The following GAS2 variants were observed in gnomAD, a reference collection of about 807,000 sequenced individuals.
The protein encoded by GAS2 is growth arrest specific 2, also known as growth arrest-specific protein 2.
In GAS2, 20 loss-of-function variants were observed where a neutral mutation model predicts 37.5. The observed-to-expected ratio is 0.53, with a 90% CI of 0.37 to 0.77. The LOEUF is 0.77. Ranked by LOEUF, GAS2 falls within the 30% of genes least tolerant of loss-of-function variation. GAS2 has a pLI of 0.00. For synonymous variants in GAS2, 144 were observed against 132.2 expected (o/e 1.09, Z -0.61); for missense variants, 336 against 373.4 (o/e 0.90, Z 0.82).
intron 4 of GAS2, among the ~76,000 whole-genome samples, chr11:22,732,564 A>C (rs902397953): frequency 6.6e-6 from 1 of 151,622 alleles, no homozygotes; most frequent in Non-Finnish European, 1.5e-5. Flanking sequence ...CTAAATTGCT[A>C]TCCCTATTTA....
chr11:22,790,071 C>T (rs1856067536), intron 7 of GAS2, among the ~76,000 whole-genome samples: 1 of 152,166 alleles, frequency 6.6e-6, no homozygotes, highest in East Asian at 1.9e-4. Context: ...GTACCCCTAC[C>T]TACTCTACCT....
chr11:22,651,118 T>C (rs190046719), intron 1 of GAS2, among the ~76,000 whole-genome samples: 1 of 151,944 alleles, frequency 6.6e-6, no homozygotes, highest in East Asian at 1.9e-4. Context: ...GGCCTGCTGG[T>C]GACAAAATCT....
chr11:22,744,278 C>T (rs781602236), intron 5 of GAS2, among the ~76,000 whole-genome samples: 7 of 152,018 alleles, frequency 4.6e-5, no homozygotes, highest in Non-Finnish European at 1.0e-4. Flanking sequence ...GGAATAGGGA[C>T]ACCTCCCAAG....
intron 7 of GAS2, among the ~76,000 whole-genome samples, chr11:22,786,416 A>G (rs1419292605): frequency 6.6e-6 from 1 of 152,168 alleles, no homozygotes; most frequent in Admixed American, 6.5e-5. Context: ...TCCTATGTCC[A>G]TTAATCTACT....
chr11:22,720,097 A>G (rs1176018694), intron 3 of GAS2, among the ~76,000 whole-genome samples: 2 of 152,082 alleles, frequency 1.3e-5, no homozygotes, highest in Non-Finnish European at 1.5e-5. Context: ...TAGTTAAGTG[A>G]TTAATTTCAT....
At chr11:22,690,643 G>A (rs1161934700) in intron 3 of GAS2, among the ~76,000 whole-genome samples, 1 of 152,010 alleles carries the variant, frequency 6.6e-6, no homozygotes, top group Non-Finnish European at 1.5e-5. Flanking sequence ...ATGTTTAAAG[G>A]CAAAAATATA....
chr11:22,793,313 AAAG>A (rs1856264975), intron 7 of GAS2, among the ~76,000 whole-genome samples: 1 of 152,252 alleles, frequency 6.6e-6, no homozygotes, highest in East Asian at 1.9e-4. Flanking sequence ...AAAATTTTAA[AAAG>A]AACATAATTA....
intron 7 of GAS2, among the ~76,000 whole-genome samples, chr11:22,807,277 A>G (rs1043274291): frequency 6.6e-6 from 1 of 152,172 alleles, no homozygotes; most frequent in African/African-American, 2.4e-5. Context: ...ACAAACTACT[A>G]AGGCTGATAC....
intron 7 of GAS2, among the ~76,000 whole-genome samples, chr11:22,792,314 A>T (rs567684704): frequency 6.6e-6 from 1 of 152,356 alleles, no homozygotes; most frequent in South Asian, 2.1e-4. Flanking sequence ...TTTTTATATC[A>T]GATGGGAATA....
At position 22,701,077 on chromosome 11, in the gene GAS2, G is replaced by T. The variant is rs151140493; in HGVS notation, c.267+15288G>T. Among the ~76,000 whole-genome samples the T allele has an allele frequency of 7.4e-3, 1,122 of 152,184 alleles. 21 individuals carry two copies. The highest frequency in any genetic ancestry group is 0.026 in the African/African-American group (1,064 of 41,536). ...GCCAAAGCACTATTTAACAACCAAT[G>T]TAAAAATACAATTTCTATAAAACTG... On this transcript the variant is annotated intron_variant, in intron 3 of 7. Coordinates refer to ENST00000454584, the MANE Select transcript of GAS2 (RefSeq NM_001143830.3).
At chr11:22,757,620 G>T (rs910743735) in intron 7 of GAS2, among the ~76,000 whole-genome samples, 2 of 152,072 alleles carry the variant, frequency 1.3e-5, no homozygotes, top group African/African-American at 4.8e-5. Context: ...GTGTCTTAAC[G>T]AACGTTAATC....
At chr11:22,741,052 C>T (rs1853047589) in intron 5 of GAS2, among the ~76,000 whole-genome samples, 1 of 152,124 alleles carries the variant, frequency 6.6e-6, no homozygotes, top group Non-Finnish European at 1.5e-5. Context: ...AAACCATAAA[C>T]ATCACTTTGG....
At chr11:22,711,305 TC>T (rs1286901005) in intron 3 of GAS2, among the ~76,000 whole-genome samples, 3 of 151,982 alleles carry the variant, frequency 2.0e-5, no homozygotes, top group African/African-American at 7.2e-5. Context: ...GCCAGAAGAG[TC>T]CCATAGGCAC....
At chr11:22,745,397 A>T (rs1565122929) in intron 5 of GAS2, among the ~76,000 whole-genome samples, 1 of 152,152 alleles carries the variant, frequency 6.6e-6, no homozygotes. Flanking sequence ...TGCTGGGATA[A>T]TGAGTATCCA....
At chr11:22,739,398 C>T (rs1043080581) in intron 5 of GAS2, among the ~76,000 whole-genome samples, 2 of 151,472 alleles carry the variant, frequency 1.3e-5, no homozygotes, top group Non-Finnish European at 2.9e-5. Flanking sequence ...CAGAATGAAA[C>T]CCTGTCTATA....
rs144529878 is a variant in GAS2, at chr11:22,633,849, A to G, written c.-21+8036A>G. Among the ~76,000 whole-genome samples the G allele has an allele frequency of 2.4e-3, 367 of 152,288 alleles. 3 individuals are homozygous for G. Among genetic ancestry groups the G allele is most frequent in the African/African-American group, 8.5e-3 (353 of 41,564 alleles). On this transcript the variant is annotated intron_variant, in intron 1 of 5. Coordinates refer to the GAS2 transcript ENST00000528582. ...GTGATGTTACATGTAGAAAAGGACT[A>G]TGACTCTATCCCTCATGTAAGTCTG...
At chr11:22,779,115 G>A (rs1333312921) in intron 7 of GAS2, among the ~76,000 whole-genome samples, 2 of 151,410 alleles carry the variant, frequency 1.3e-5, no homozygotes, top group African/African-American at 2.4e-5. Flanking sequence ...TAGAATCAGG[G>A]AATACTTTGA....
At chr11:22,693,155 T>A (rs1024968967) in intron 3 of GAS2, among the ~76,000 whole-genome samples, 1 of 152,196 alleles carries the variant, frequency 6.6e-6, no homozygotes, top group Non-Finnish European at 1.5e-5. Context: ...TGTTGAAATA[T>A]CCATGGTCCC....
chr11:22,721,706 G>A (rs1352925252), intron 3 of GAS2, among the ~76,000 whole-genome samples: 1 of 151,990 alleles, frequency 6.6e-6, no homozygotes, highest in Non-Finnish European at 1.5e-5. Context: ...TACCATATTG[G>A]TTAGCACAGA....
Sources: allele counts gnomAD v4.1 joint callset (sites outside exome capture counted in the v4.1 genomes callset), GRCh38; gene constraint gnomAD v4.1.1; transcripts MANE v1.5; gene names NCBI Gene and HGNC (gene_info 2026-07-23, HGNC 2026-07-21).